MBNL2: variants seen among roughly 807,000 people sequenced by gnomAD.
MBNL2 encodes muscleblind like splicing regulator 2.
A neutral mutation model predicts 41.9 loss-of-function variants in MBNL2; 17 were observed. The observed-to-expected ratio is 0.41, with a 90% CI of 0.28 to 0.61. The LOEUF is 0.61. Ranked by LOEUF, MBNL2 falls within the 20% of genes least tolerant of loss-of-function variation. The pLI is 0.35. For synonymous variants in MBNL2, 195 were observed against 182.9 expected (o/e 1.07, Z -0.53); for missense variants, 336 against 505.6 (o/e 0.66, Z 3.22).
At chr13:97,264,013 CTTT>C (rs71117637) in intron 1 of MBNL2, among the ~76,000 whole-genome samples, 7 of 135,088 alleles carry the variant, frequency 5.2e-5, no homozygotes, top group Admixed American at 7.4e-5. Context: ...TATTCTTTTT[CTTT>C]TTTTTTTTTT....
intron 2 of MBNL2, among the ~76,000 whole-genome samples, chr13:97,313,395 C>T (rs943836984): frequency 1.3e-5 from 2 of 152,166 alleles, no homozygotes; most frequent in African/African-American, 4.8e-5. Context: ...ACAGAAGGAA[C>T]TTGAATTCTA....
the MBNL2 span, among the ~76,000 whole-genome samples, chr13:97,142,055 T>C: frequency 6.6e-6 from 1 of 151,896 alleles, no homozygotes; most frequent in Non-Finnish European, 1.5e-5. Flanking sequence ...AGAAAAAAAA[T>C]TGACTAGCAA....
In MBNL2 at chr13:97,334,148, CCACACACACACACA is replaced by C. The variant is rs34820289; in HGVS notation, c.175-113_175-100del. On this transcript the variant is annotated intron_variant, in intron 2 of 8. Transcript: ENST00000679496. This position sits in a 1 kb window ranked among gnomAD's most constrained non-coding sequence, Gnocchi z 5.3. Reference sequence around the variant, plus strand: ...AACACATGAGCATGCGCGCGCACACCCACACACACACACACACACACACACACAGGATCCTTGCT... The same window carrying C: ...AACACATGAGCATGCGCGCGCACACCCACACACACACACAGGATCCTTGCT... 9.1e-6 allele frequency: 5 copies of C among 547,334 alleles called. No individual in the cohort carries two copies. The highest frequency in any genetic ancestry group is 2.8e-5 in the South Asian group (1 of 35,828). 33.9% of individuals were successfully genotyped at this position (547,334 alleles called of 1,614,324 possible).
chr13:97,260,285 G>T (rs963643821), intron 1 of MBNL2, among the ~76,000 whole-genome samples: 1 of 152,160 alleles, frequency 6.6e-6, no homozygotes, highest in African/African-American at 2.4e-5. Flanking sequence ...CAGGATGGTT[G>T]GGGGGAGTCA....
chr13:97,393,444 C>T lies in MBNL2; in HGVS notation c.*1995C>T, dbSNP rs1350005653. 3 of 152,266 alleles carry T rather than the reference C, an allele frequency of 2.0e-5. No homozygotes were observed. Among genetic ancestry groups the T allele is most frequent in the African/African-American group, 7.2e-5 (3 of 41,396 alleles). The allele number at this position is 152,266 out of a possible 1,614,324, so 9.4% of individuals were successfully genotyped here. A position where few individuals can be genotyped will look rare whatever the true frequency, so the allele number is the denominator to read the frequency against. On this transcript the variant is annotated 3_prime_UTR_variant, in exon 9 of 9. Coordinates refer to ENST00000679496, the MANE Select transcript of MBNL2 (RefSeq NM_001382683.1). ...GATTTTTAAAATTATTAGCACACAA[C>T]TATTTTCAGCCCTTTAATAATGGAG...
At chr13:97,259,631 A>G (rs1204894838) in intron 1 of MBNL2, among the ~76,000 whole-genome samples, 1 of 152,228 alleles carries the variant, frequency 6.6e-6, no homozygotes, top group East Asian at 1.9e-4. Flanking sequence ...TAAGATTTCC[A>G]GAAGAGTTCC....
chr13:97,143,218 C>A, the MBNL2 span, among the ~76,000 whole-genome samples: 1 of 152,234 alleles, frequency 6.6e-6, no homozygotes, highest in African/African-American at 2.4e-5. Flanking sequence ...CTGAGGGAAG[C>A]ATTTGAAAAC....
intron 2 of MBNL2, among the ~76,000 whole-genome samples, chr13:97,326,358 A>G (rs982459730): frequency 6.6e-6 from 1 of 152,216 alleles, no homozygotes; most frequent in Non-Finnish European, 1.5e-5. Context: ...CATTTCTTCC[A>G]TATAATGGAA....
chr13:97,184,207 G>T, the MBNL2 span, among the ~76,000 whole-genome samples: 1 of 152,196 alleles, frequency 6.6e-6, no homozygotes, highest in African/African-American at 2.4e-5. Context: ...ACAAGATATA[G>T]AGAGTATCAA....
chr13:97,175,422 G>A, the MBNL2 span, among the ~76,000 whole-genome samples: 4 of 152,112 alleles, frequency 2.6e-5, no homozygotes, highest in Non-Finnish European at 5.9e-5. Flanking sequence ...CAGGAAAACG[G>A]GTGCAAAGAT....
the MBNL2 span, among the ~76,000 whole-genome samples, chr13:97,189,493 G>A: frequency 3.9e-5 from 6 of 152,144 alleles, no homozygotes; most frequent in Non-Finnish European, 8.8e-5. Context: ...TTTGTGTACG[G>A]GAGGAAATAT....
chr13:97,350,997 C>G (rs1179880555), intron 5 of MBNL2, among the ~76,000 whole-genome samples: 1 of 152,202 alleles, frequency 6.6e-6, no homozygotes, highest in East Asian at 1.9e-4. Flanking sequence ...TCTGTGGCAG[C>G]TACAGCCTTA....
At chr13:97,200,195 C>T in the MBNL2 span, among the ~76,000 whole-genome samples, 1 of 152,170 alleles carries the variant, frequency 6.6e-6, no homozygotes, top group Non-Finnish European at 1.5e-5. Flanking sequence ...GCACGTACAC[C>T]CACTCCAGGC....
At chr13:97,143,101 T>G in the MBNL2 span, among the ~76,000 whole-genome samples, 1 of 152,172 alleles carries the variant, frequency 6.6e-6, no homozygotes, top group Non-Finnish European at 1.5e-5. Flanking sequence ...TGTGGCTCCC[T>G]GCTATATTTT....
intron 1 of MBNL2, among the ~76,000 whole-genome samples, chr13:97,269,229 A>C (rs1289033378): frequency 6.6e-6 from 1 of 152,176 alleles, no homozygotes; most frequent in Non-Finnish European, 1.5e-5. Context: ...AAGAAATGGA[A>C]GCTAAAACAC....
At chr13:97,156,542 G>A in the MBNL2 span, among the ~76,000 whole-genome samples, 2 of 137,504 alleles carry the variant, frequency 1.5e-5, no homozygotes, top group African/African-American at 2.8e-5. Context: ...TAACGTTTAA[G>A]TCTTTAATCC....
intron 2 of MBNL2, among the ~76,000 whole-genome samples, chr13:97,309,629 C>G (rs941881352): frequency 2.0e-5 from 3 of 152,130 alleles, no homozygotes; most frequent in African/African-American, 7.2e-5. Context: ...GTTGTTTGAG[C>G]CACCCAGCTT....
intron 1 of MBNL2, among the ~76,000 whole-genome samples, chr13:97,264,290 G>A (rs2049284110): frequency 6.6e-6 from 1 of 152,150 alleles, no homozygotes; most frequent in South Asian, 2.1e-4. Flanking sequence ...GCCTCCCAAA[G>A]TGCTGGGATT....
At chr13:97,305,581 T>C in intron 2 of MBNL2, among the ~76,000 whole-genome samples, 1 of 149,742 alleles carries the variant, frequency 6.7e-6, no homozygotes, top group East Asian at 2.0e-4. Flanking sequence ...CTGGGCAACA[T>C]GGTGAAACTC....
Sources: gnomAD v4.1 joint callset for allele counts (sites outside exome capture counted in the v4.1 genomes callset) on GRCh38, gnomAD v4.1.1 for gene constraint, Gnocchi (gnomAD v3.1) non-coding constraint, MANE v1.5 for transcripts, NCBI Gene and HGNC (gene_info 2026-07-23, HGNC 2026-07-21) for gene names.